DDX11: variants seen among roughly 807,000 people sequenced by gnomAD.
DDX11 encodes DEAD/H-box helicase 11.
Under a neutral mutation model 125.2 loss-of-function variants are expected in DDX11, and 72 were observed. The ratio of observed to expected loss-of-function variants is 0.58; its 90% CI spans 0.48 to 0.70. The LOEUF (loss-of-function observed/expected upper bound fraction) is 0.70. DDX11 is among the 30% of genes least tolerant of loss of function. DDX11 has a pLI of 0.00. For missense variants in DDX11, 883 were observed against 1,165.0 expected, an observed-to-expected ratio of 0.76 and a Z score of 3.52; for synonymous variants, 347 against 452.6, an observed-to-expected ratio of 0.77 and a Z score of 2.96.
intron 5 of DDX11, among the ~76,000 whole-genome samples, chr12:31,085,483 A>G (rs1297290228): frequency 2.0e-5 from 3 of 152,238 alleles, no homozygotes; most frequent in Non-Finnish European, 2.9e-5. Context: ...CTGGCTCTAG[A>G]TCTCAGGCTC....
At position 31,103,911 on chromosome 12, in the gene DDX11, G is replaced by A. The variant is rs532589216; in HGVS notation, c.*75G>A. ...GCTGGAGACAGTGTTTGTCGTGGGC[G>A]TGGTCTGCGGGGATCCTGTTACAAA... is the stretch of plus-strand genomic sequence containing the variant. On this transcript the variant is annotated 3_prime_UTR_variant, in exon 27 of 27. Transcript: ENST00000542838. 9.5e-5 allele frequency: 153 copies of A among 1,613,856 alleles called. No homozygotes were observed. The South Asian group carries it at 1.3e-3, about 14-fold the overall frequency.
Position 31,100,845 on chromosome 12 carries a change from G to A in DDX11, c.1948+138G>A, listed in dbSNP as rs552188641. ...TGGGAGCCTCACCCTTCGTGCGCTC[G>A]CCCAGGCTCTCCTGCTTTGCTCCCT... On this transcript the variant is annotated intron_variant, in intron 19 of 26. Coordinates refer to ENST00000542838, the MANE Select transcript of DDX11 (RefSeq NM_030653.4). The A allele has an allele frequency of 3.5e-4, 383 of 1,104,842 alleles. 1 individual carries two copies. The African/African-American group carries it at 4.8e-3, about 14-fold the overall frequency. The allele number at this position is 1,104,842 out of a possible 1,614,324, so 68.4% of individuals were successfully genotyped here.
chr12:31,078,238 G>T (rs774453873), intron 1 of DDX11, 152 bp from the exon 2 acceptor site: 69 of 1,561,666 alleles, frequency 4.4e-5, no homozygotes, highest in Non-Finnish European at 6.0e-5. Context: ...GACCTGCTGC[G>T]AAGGATGGAG....
intron 2 of DDX11, among the ~76,000 whole-genome samples, chr12:31,081,993 A>G (rs2553149): frequency 0.31 from 25,065 of 80,250 alleles, 5,449 homozygotes; most frequent in East Asian, 0.7. Flanking sequence ...GATATCACAG[A>G]CAGCACAGAA....
chr12:31,103,806 G>C lies in DDX11; in HGVS notation c.2692-1G>C. 1 of 1,613,858 alleles carries C rather than the reference G, an allele frequency of 6.2e-7. No individual in the cohort carries two copies. Among genetic ancestry groups the C allele is most frequent in the Non-Finnish European group, 8.5e-7 (1 of 1,179,860 alleles). ...TTTCTCACTGCCTTCTGTCTGCCCA[G>C]TTTCACCGGGAGAAGTCGGCCTCTT... On this transcript the variant is annotated splice_acceptor_variant, in intron 26 of 26. Coordinates refer to ENST00000542838, the MANE Select transcript of DDX11 (RefSeq NM_030653.4). LOFTEE classifies it high-confidence loss of function.
chr12:31,096,900 C>T lies in DDX11; in HGVS notation c.1672C>T (p.Arg558Ter), dbSNP rs201180239. The T allele has an allele frequency of 4.8e-5, 78 of 1,614,024 alleles. No homozygotes were observed. The highest frequency in any genetic ancestry group is 1.6e-4 in the Middle Eastern group (1 of 6,082). The change falls in exon 17 of 27, where the codon CGA becomes TGA. Residue 558 changes from arginine to a stop codon, truncating the protein, a stop_gained. Coordinates refer to ENST00000542838, the MANE Select transcript of DDX11 (RefSeq NM_030653.4). LOFTEE classifies it high-confidence loss of function. ...PADESQASTL[R>*]PASPLMHIQG... is the part of the protein sequence containing the mutation. ...AGACGAGAGTCAGGCCAGCACCCTG[C>T]GACCAGCTTCTCCACTGATGCACAT...
In DDX11 at chr12:31,091,863, G is replaced by A. The variant is rs773144833; in HGVS notation, c.1234G>A (p.Gly412Ser). 56 of 1,613,508 alleles carry A rather than the reference G, an allele frequency of 3.5e-5. 1 individual carries two copies. The highest frequency in any genetic ancestry group is 2.0e-4 in the South Asian group (18 of 91,084). Residue 412 changes from glycine to serine, a missense_variant, in exon 10 of 27, where the codon GGC (glycine) becomes AGC (serine). Coordinates refer to ENST00000542838, the MANE Select transcript of DDX11 (RefSeq NM_030653.4). ...ITGMHSVEVS[G>S]SQLCQAHSQL... ...GGGCATGCACAGCGTGGAGGTCAGC[G>A]GCTCCCAGGTGTGTGGGCCTCCCCT... is the stretch of plus-strand genomic sequence containing the variant.
chr12:31,080,137 G>T lies in DDX11; in HGVS notation c.144+1600G>T, dbSNP rs572680730. On this transcript the variant is annotated intron_variant, in intron 2 of 26. Transcript: ENST00000542838. ...GCAGGGCACTGGCTGTGGCTGCCAG[G>T]CTGGGCTCCTTTGTTGGGGGCCTCC... Among the ~76,000 whole-genome samples, 152 of 146,490 alleles carry T rather than the reference G, an allele frequency of 1.0e-3. 1 individual carries two copies. Among genetic ancestry groups the T allele is most frequent in the African/African-American group, 3.6e-3 (141 of 38,698 alleles).
At chr12:31,096,284 A>G in intron 14 of DDX11, 57 bp from the exon 15 acceptor site, 1 of 1,442,816 alleles carries the variant, frequency 6.9e-7, no homozygotes. Flanking sequence ...TTTTGTTTTT[A>G]AGATTATAGC....
chr12:31,101,767 G>T (rs7966366), intron 20 of DDX11, 66 bp from the exon 21 acceptor site: 698,525 of 1,540,120 alleles, frequency 0.45, 150,519 homozygotes, highest in East Asian at 0.83. Context: ...AGGTGAAGAC[G>T]CGGTTTGTGG....
rs1316252639 is a variant in DDX11 at position 31,087,810 on chromosome 12, C to T, written c.639-128C>T. The T allele has an allele frequency of 2.3e-5, 34 of 1,475,880 alleles. 2 individuals are homozygous for T. The South Asian group carries it at 4.0e-4, about 17-fold the overall frequency. 91.4% of individuals were successfully genotyped at this position (1,475,880 alleles called of 1,614,324 possible). On this transcript the variant is annotated intron_variant, in intron 5 of 26. Coordinates refer to ENST00000542838, the MANE Select transcript of DDX11 (RefSeq NM_030653.4). ...TGGGGGAGTTTCTGAGCGAGCAGCA[C>T]CTGCTACCTTGGTGGAACCCATTGC...
rs544177106 is a variant in DDX11 at position 31,102,789 on chromosome 12, G to A, written c.2373-147G>A. 5.2e-6 allele frequency: 4 copies of A among 774,438 alleles called. No individual in the cohort carries two copies. The East Asian group carries it at 1.1e-4, about 21-fold the overall frequency. The allele number at this position is 774,438 out of a possible 1,614,324, so 48.0% of individuals were successfully genotyped here. A position where few individuals can be genotyped will look rare whatever the true frequency, so the allele number is the denominator to read the frequency against. ...CTCTCAGCCGAACAAGCCCTCTCCA[G>A]GTGGTAGGTACAGAGTGGAGAGAGG... is the stretch of plus-strand genomic sequence containing the variant. On this transcript the variant is annotated intron_variant, in intron 23 of 26. Coordinates refer to ENST00000542838, the MANE Select transcript of DDX11 (RefSeq NM_030653.4).
chr12:31,083,386 C>G (rs1942410753), intron 2 of DDX11, among the ~76,000 whole-genome samples: 1 of 151,946 alleles, frequency 6.6e-6, no homozygotes, highest in African/African-American at 2.4e-5. Flanking sequence ...TATCCACGCA[C>G]GAGCTGCACG....
At position 31,097,872 on chromosome 12, in the gene DDX11, T is replaced by A. The variant is rs752418241; in HGVS notation, c.1763-13T>A. On this transcript the variant is annotated splice_polypyrimidine_tract_variant and intron_variant, in intron 17 of 26. Transcript: ENST00000542838. The stretch of plus-strand genomic sequence containing the variant: ...TGGGCTTGCACTCACCTCCCACCGA[T>A]CTGTTTTTCCAGGCAGCCTCAGTCA... 2 of 1,594,546 alleles carry A rather than the reference T, an allele frequency of 1.3e-6. No individual in the cohort carries two copies. The highest frequency in any genetic ancestry group is 2.3e-5 in the East Asian group (1 of 44,404).
rs749110936 is a variant in DDX11, at chr12:31,078,587, G to A, written c.144+50G>A. Reference sequence around the variant, plus strand: ...TGAAAAGGACAACTTAACAGCAGCCGTACTAGCTTTTCCTGTTTGCCTATC... The same window carrying A: ...TGAAAAGGACAACTTAACAGCAGCCATACTAGCTTTTCCTGTTTGCCTATC... On this transcript the variant is annotated intron_variant, in intron 2 of 26. Coordinates refer to ENST00000542838, the MANE Select transcript of DDX11 (RefSeq NM_030653.4). The A allele has an allele frequency of 1.2e-5, 19 of 1,610,684 alleles. No homozygotes were observed. The Admixed American group carries it at 1.3e-4, about 11-fold the overall frequency.
chr12:31,099,084 C>CTTTTTTTTTTTTTTTTTTTTTT (rs763612105), intron 18 of DDX11, among the ~76,000 whole-genome samples: 37 of 63,696 alleles, frequency 5.8e-4, no homozygotes, highest in East Asian at 1.3e-3. Context: ...TTCTTTCTTT[C>CTTTTTTTTTTTTTTTTTTTTTT]TTTTTTTTTT....
intron 1 of DDX11, 178 bp from the exon 2 acceptor site, chr12:31,078,212 G>A: frequency 6.5e-7 from 1 of 1,536,334 alleles, no homozygotes; most frequent in Non-Finnish European, 8.8e-7. Flanking sequence ...GCGTGATTCT[G>A]GTATGGCCTC....
chr12:31,081,959 T>C (rs1420316506), intron 2 of DDX11, among the ~76,000 whole-genome samples: 2 of 128,402 alleles, frequency 1.6e-5, no homozygotes, highest in Non-Finnish European at 3.2e-5. Context: ...CCCAGCCCAG[T>C]GACAGCTGAA....
At chr12:31,092,291 G>T (rs970591744) in intron 10 of DDX11, among the ~76,000 whole-genome samples, 20 of 152,108 alleles carry the variant, frequency 1.3e-4, no homozygotes, top group Admixed American at 5.2e-4. Flanking sequence ...ATGGCACCAG[G>T]TGTCTCTGGT....
Sources: allele counts gnomAD v4.1 joint callset (sites outside exome capture counted in the v4.1 genomes callset), GRCh38; gene constraint gnomAD v4.1.1; transcripts MANE v1.5; gene names NCBI Gene and HGNC (gene_info 2026-07-23, HGNC 2026-07-21).